Variants in CACNG2 observed in about 807,000 individuals in gnomAD.
CACNG2 encodes calcium voltage-gated channel auxiliary subunit gamma 2.
Under a neutral mutation model 25.9 loss-of-function variants are expected in CACNG2, and 3 were observed. That is an observed-to-expected ratio of 0.12 (90% CI 0.05 to 0.30). CACNG2 has a LOEUF of 0.30. CACNG2 is among the 10% of genes least tolerant of loss of function. The probability of loss-of-function intolerance (pLI) is 1.00; values close to 1 mark genes in which losing one functional copy is unlikely to be tolerated. For missense variants in CACNG2, 341 were observed against 432.5 expected (o/e 0.79, Z 1.88); for synonymous variants, 167 against 173.3 (o/e 0.96, Z 0.29).
intron 2 of CACNG2, chr22:36,584,630 C>T (rs1935470933): frequency 1.3e-5 from 2 of 152,196 alleles, no homozygotes; most frequent in African/African-American, 2.4e-5. Context: ...AAATATCTCT[C>T]GAGTGAATGA....
intron 2 of CACNG2, among the ~76,000 whole-genome samples, chr22:36,577,123 C>A (rs1935331557): frequency 6.6e-6 from 1 of 152,146 alleles, no homozygotes; most frequent in South Asian, 2.1e-4. Flanking sequence ...AGATCACAAG[C>A]ACACTTAGCT....
At chr22:36,692,620 T>A (rs1937279747) in intron 1 of CACNG2, among the ~76,000 whole-genome samples, 1 of 152,158 alleles carries the variant, frequency 6.6e-6, no homozygotes, top group Non-Finnish European at 1.5e-5. Context: ...AGTTTTTGTT[T>A]AAAAGCCCAT....
In CACNG2 at chr22:36,617,959, C is replaced by A. The variant is rs976155833; in HGVS notation, c.212-30411G>T. ...CAAGAGTATAAGCATTGGAGCTCTG[C>A]AGTATTTACCTGGCCATGGCAGCTA... is the stretch of plus-strand genomic sequence containing the variant. On this transcript the variant is annotated intron_variant, in intron 1 of 3. Transcript: ENST00000300105. 7.2e-5 allele frequency among the ~76,000 whole-genome samples: 11 copies of A among 152,104 alleles called. No homozygotes were observed. The South Asian group carries it at 2.3e-3, about 32-fold the overall frequency.
chr22:36,672,754 C>G (rs752253509), intron 1 of CACNG2, among the ~76,000 whole-genome samples: 1 of 152,204 alleles, frequency 6.6e-6, no homozygotes, highest in African/African-American at 2.4e-5. Context: ...ATAAACACCC[C>G]ACCCAGGCCC....
intron 1 of CACNG2, among the ~76,000 whole-genome samples, chr22:36,700,122 C>T (rs2146022327): frequency 6.6e-6 from 1 of 152,370 alleles, no homozygotes; most frequent in East Asian, 1.9e-4. Context: ...GAGAATGGCC[C>T]AACCCACAGT....
chr22:36,699,638 T>G, intron 1 of CACNG2, among the ~76,000 whole-genome samples: 2 of 134,014 alleles, frequency 1.5e-5, no homozygotes, highest in Non-Finnish European at 1.5e-5. Flanking sequence ...ACAGATCAAG[T>G]GGTTAAGGGG....
intron 1 of CACNG2, among the ~76,000 whole-genome samples, chr22:36,659,774 C>T (rs368332520): frequency 3.3e-5 from 5 of 152,270 alleles, no homozygotes; most frequent in African/African-American, 1.2e-4. Flanking sequence ...CCTGTGCCAA[C>T]TGCTGGAATT....
At chr22:36,661,884 G>C (rs75753261) in intron 1 of CACNG2, among the ~76,000 whole-genome samples, 3,044 of 151,742 alleles carry the variant, frequency 0.02, 56 homozygotes, top group Non-Finnish European at 0.031. Flanking sequence ...CTGGAAAATG[G>C]GGCTAGCAAT....
At chr22:36,570,895 T>C (rs1420490817) in intron 2 of CACNG2, among the ~76,000 whole-genome samples, 1 of 151,898 alleles carries the variant, frequency 6.6e-6, no homozygotes, top group Non-Finnish European at 1.5e-5. Flanking sequence ...ACTTCTACAT[T>C]GGAGACGTTT....
intron 1 of CACNG2, among the ~76,000 whole-genome samples, chr22:36,638,213 C>G (rs1279571873): frequency 6.6e-6 from 1 of 152,162 alleles, no homozygotes; most frequent in African/African-American, 2.4e-5. Flanking sequence ...GATGATTGCA[C>G]TGGCCAGTCT....
chr22:36,600,169 G>C (rs931724349), intron 1 of CACNG2, among the ~76,000 whole-genome samples: 7 of 152,196 alleles, frequency 4.6e-5, no homozygotes, highest in African/African-American at 1.7e-4. Context: ...CACTCCCATG[G>C]AGTGTTATAC....
At chr22:36,657,381 G>A (rs550427753) in intron 1 of CACNG2, among the ~76,000 whole-genome samples, 10 of 152,192 alleles carry the variant, frequency 6.6e-5, no homozygotes, top group South Asian at 2.1e-4. Flanking sequence ...TATGGAATCC[G>A]GCCTCAAAGG....
At chr22:36,568,302 G>A (rs1935162233) in intron 2 of CACNG2, among the ~76,000 whole-genome samples, 1 of 152,066 alleles carries the variant, frequency 6.6e-6, no homozygotes. Context: ...CCCCATCCCC[G>A]TCCCCACCCT....
At chr22:36,645,227 G>A (rs555143053) in intron 1 of CACNG2, among the ~76,000 whole-genome samples, 1 of 152,224 alleles carries the variant, frequency 6.6e-6, no homozygotes, top group South Asian at 2.1e-4. Context: ...ATTAATTACT[G>A]TTTGCAAAGC....
chr22:36,599,895 G>A (rs1378350443), intron 1 of CACNG2, among the ~76,000 whole-genome samples: 2 of 152,192 alleles, frequency 1.3e-5, no homozygotes, highest in African/African-American at 4.8e-5. Context: ...CTGGACATAT[G>A]GCTTCCCAGA....
At chr22:36,631,436 G>A (rs2145958449) in intron 1 of CACNG2, among the ~76,000 whole-genome samples, 1 of 152,260 alleles carries the variant, frequency 6.6e-6, no homozygotes, top group South Asian at 2.1e-4. Flanking sequence ...GTCCTTCAGG[G>A]GAAGCTGGCC....
At chr22:36,659,624 C>T (rs1310521376) in intron 1 of CACNG2, among the ~76,000 whole-genome samples, 1 of 108,732 alleles carries the variant, frequency 9.2e-6, no homozygotes, top group African/African-American at 3.6e-5. Flanking sequence ...AGAAGCAGGA[C>T]CTGGGGTGAT....
chr22:36,566,208 C>T (rs1935121390), intron 3 of CACNG2, 145 bp downstream of exon 3: 1 of 820,500 alleles, frequency 1.2e-6, no homozygotes, highest in Admixed American at 2.0e-5. Context: ...CCCCCACCAC[C>T]TTCCTCCCCT....
intron 1 of CACNG2, among the ~76,000 whole-genome samples, chr22:36,652,571 A>G (rs1936636053): frequency 6.6e-6 from 1 of 152,146 alleles, no homozygotes; most frequent in African/African-American, 2.4e-5. Context: ...CCACTGTAAG[A>G]GCAAAACCCC....
Sources: gnomAD v4.1 joint callset for allele counts (sites outside exome capture counted in the v4.1 genomes callset) on GRCh38, gnomAD v4.1.1 for gene constraint, MANE v1.5 for transcripts, NCBI Gene and HGNC (gene_info 2026-07-23, HGNC 2026-07-21) for gene names.